The following RNF150 variants were observed in gnomAD, a reference collection of about 807,000 sequenced individuals.
The protein encoded by RNF150 is ring finger protein 150.
Under a neutral mutation model 39.3 loss-of-function variants are expected in RNF150, and 24 were observed. The ratio of observed to expected loss-of-function variants is 0.61; its 90% CI spans 0.44 to 0.86. RNF150 has a LOEUF of 0.86. Among genes scored for constraint, RNF150 ranks in the 40% least tolerant of loss-of-function variants. RNF150 has a pLI of 0.00. For missense variants in RNF150, 502 were observed against 587.8 expected, an observed-to-expected ratio of 0.85 and a Z score of 1.51; for synonymous variants, 255 against 227.3, an observed-to-expected ratio of 1.12 and a Z score of -1.10.
chr4:141,183,930 C>G (rs1344391347), intron 1 of RNF150, among the ~76,000 whole-genome samples: 2 of 151,974 alleles, frequency 1.3e-5, no homozygotes, highest in African/African-American at 2.4e-5. Context: ...GGGTTGGTTC[C>G]AAGTCTTTGT....
chr4:141,156,860 T>C (rs538525522), intron 1 of RNF150, among the ~76,000 whole-genome samples: 5 of 151,962 alleles, frequency 3.3e-5, no homozygotes, highest in Non-Finnish European at 7.4e-5. Context: ...TGAGCCAAGA[T>C]TGCACCACAG....
chr4:141,054,383 A>G (rs1278637563), intron 1 of RNF150, among the ~76,000 whole-genome samples: 2 of 152,184 alleles, frequency 1.3e-5, no homozygotes, highest in Non-Finnish European at 2.9e-5. Context: ...GATTAATTCA[A>G]GAGAATGAGA....
At chr4:140,874,953 C>T (rs1729093508) in intron 6 of RNF150, among the ~76,000 whole-genome samples, 1 of 152,162 alleles carries the variant, frequency 6.6e-6, no homozygotes, top group Non-Finnish European at 1.5e-5. Context: ...ACATAAGCCA[C>T]CATGCCCAGC....
chr4:141,060,025 A>C (rs1322341466), intron 1 of RNF150, among the ~76,000 whole-genome samples: 1 of 152,240 alleles, frequency 6.6e-6, no homozygotes, highest in Non-Finnish European at 1.5e-5. Context: ...ATTTGATTGA[A>C]GCTTCTACAG....
chr4:140,920,956 AT>A, intron 5 of RNF150, among the ~76,000 whole-genome samples: 1 of 151,882 alleles, frequency 6.6e-6, no homozygotes. Context: ...CAAACACTGC[AT>A]ATTCTCACTC....
intron 1 of RNF150, among the ~76,000 whole-genome samples, chr4:141,206,498 T>C (rs1728377163): frequency 6.8e-6 from 1 of 147,632 alleles, no homozygotes; most frequent in Non-Finnish European, 1.5e-5. Flanking sequence ...CAAGGACAGG[T>C]CATAAAGCTT....
intron 6 of RNF150, among the ~76,000 whole-genome samples, chr4:140,874,268 C>T (rs1228850786): frequency 6.6e-6 from 1 of 152,106 alleles, no homozygotes; most frequent in Non-Finnish European, 1.5e-5. Context: ...CAGTGGGCCC[C>T]ATGACTCTTC....
In RNF150 at chr4:140,860,346, A is replaced by G. The variant is rs1406180028; in HGVS notation, c.*7915T>C. On this transcript the variant is annotated 3_prime_UTR_variant, in exon 7 of 7. Coordinates refer to ENST00000515673, the MANE Select transcript of RNF150 (RefSeq NM_020724.2). Reference sequence around the variant, plus strand: ...TAAAAACGCTACATAATTCACTAGTACTTATTTCGGCAATTAAGAACTGAA... The same window carrying G: ...TAAAAACGCTACATAATTCACTAGTGCTTATTTCGGCAATTAAGAACTGAA... The G allele has an allele frequency of 6.6e-6, 1 of 152,202 alleles. No homozygotes were observed. The highest frequency in any genetic ancestry group is 1.5e-5 in the Non-Finnish European group (1 of 68,034). 9.4% of individuals were successfully genotyped at this position (152,202 alleles called of 1,614,324 possible).
chr4:141,066,411 C>A (rs940332932), intron 1 of RNF150, among the ~76,000 whole-genome samples: 17 of 152,134 alleles, frequency 1.1e-4, no homozygotes, highest in Non-Finnish European at 2.2e-4. Flanking sequence ...AATAAGCAAA[C>A]AGAAATTAGA....
intron 1 of RNF150, among the ~76,000 whole-genome samples, chr4:141,198,763 A>G (rs1385672255): frequency 1.3e-5 from 2 of 152,238 alleles, no homozygotes; most frequent in Non-Finnish European, 2.9e-5. Context: ...TCTCAAGCAT[A>G]CTTGTCTCTG....
At chr4:140,968,638 T>TAG (rs1047950881) in intron 1 of RNF150, among the ~76,000 whole-genome samples, 12 of 151,830 alleles carry the variant, frequency 7.9e-5, no homozygotes, top group African/African-American at 2.9e-4. Context: ...TTGTTTCACT[T>TAG]CCACTCTTAG....
intron 1 of RNF150, among the ~76,000 whole-genome samples, chr4:141,093,633 G>C (rs1242719699): frequency 6.6e-6 from 1 of 152,080 alleles, no homozygotes; most frequent in East Asian, 1.9e-4. Context: ...TTTTAAAGTG[G>C]TCCTGGGTAG....
chr4:141,149,805 C>A (rs1279076342), intron 1 of RNF150, among the ~76,000 whole-genome samples: 1 of 152,234 alleles, frequency 6.6e-6, no homozygotes, highest in Non-Finnish European at 1.5e-5. Flanking sequence ...TTTAAGGAAT[C>A]TCCACACTGT....
intron 1 of RNF150, among the ~76,000 whole-genome samples, chr4:141,194,200 T>C (rs1195956922): frequency 6.6e-6 from 1 of 152,246 alleles, no homozygotes; most frequent in East Asian, 1.9e-4. Flanking sequence ...TAGGGATTTC[T>C]GATGTATTGA....
At position 141,133,225 on chromosome 4, in the gene RNF150, C is replaced by T. The variant is rs1726955834; in HGVS notation, c.-417G>A. ...GGGGACGGGCACGATTGCTCGTAGT[C>T]TGGGGTGCTGCGGTGCGGGGTGCTG... On this transcript the variant is annotated 5_prime_UTR_variant, in exon 1 of 7. Coordinates refer to ENST00000515673, the MANE Select transcript of RNF150 (RefSeq NM_020724.2). 2 of 221,614 alleles carry T rather than the reference C, an allele frequency of 9.0e-6. No homozygotes were observed. Among genetic ancestry groups the T allele is most frequent in the South Asian group, 1.3e-4 (2 of 15,728 alleles). The allele number at this position is 221,614 out of a possible 1,614,324, so 13.7% of individuals were successfully genotyped here. A position where few individuals can be genotyped will look rare whatever the true frequency, so the allele number is the denominator to read the frequency against.
At chr4:140,962,397 C>T (rs900537305) in intron 2 of RNF150, among the ~76,000 whole-genome samples, 7 of 151,364 alleles carry the variant, frequency 4.6e-5, no homozygotes, top group East Asian at 1.9e-4. Flanking sequence ...TATACACACA[C>T]ATATATAATG....
chr4:141,050,469 T>C (rs1266670804), intron 1 of RNF150, among the ~76,000 whole-genome samples: 2 of 152,192 alleles, frequency 1.3e-5, no homozygotes, highest in African/African-American at 2.4e-5. Flanking sequence ...CCCTTCTGCC[T>C]ATGTGCAGAA....
chr4:141,064,961 G>A (rs1394460889), intron 1 of RNF150, among the ~76,000 whole-genome samples: 1 of 152,188 alleles, frequency 6.6e-6, no homozygotes, highest in African/African-American at 2.4e-5. Context: ...TGCCTCCTAG[G>A]TTCAAGCGAT....
intron 1 of RNF150, among the ~76,000 whole-genome samples, chr4:141,184,061 T>C (rs1727959919): frequency 6.6e-6 from 1 of 152,204 alleles, no homozygotes; most frequent in Non-Finnish European, 1.5e-5. Flanking sequence ...TTTCTGATTC[T>C]AGGTCCTTAA....
Sources: allele counts gnomAD v4.1 joint callset (sites outside exome capture counted in the v4.1 genomes callset), GRCh38; gene constraint gnomAD v4.1.1; transcripts MANE v1.5; gene names NCBI Gene and HGNC (gene_info 2026-07-23, HGNC 2026-07-21).